ZNF107: variants seen among roughly 807,000 people sequenced by gnomAD.
The protein encoded by ZNF107 is C2H2 type zinc-finger protein.
A neutral mutation model predicts 12.3 loss-of-function variants in ZNF107; 19 were observed. The observed-to-expected ratio is 1.55, with a 90% confidence interval of 1.08 to 2.27. ZNF107 has a LOEUF of 2.27. Among genes scored for constraint, ZNF107 ranks in the 30% most tolerant of loss-of-function variants. ZNF107 has a pLI of 0.00. For synonymous variants in ZNF107, 317 were observed against 330.5 expected (o/e 0.96, Z 0.44); for missense variants, 958 against 979.9 (o/e 0.98, Z 0.30).
At chr7:64,700,472 A>G (rs1459114406) in intron 3 of ZNF107, among the ~76,000 whole-genome samples, 1 of 144,972 alleles carries the variant, frequency 6.9e-6, no homozygotes, top group African/African-American at 2.5e-5. Flanking sequence ...CACTTCTTGT[A>G]CAGGTGCAGT....
At chr7:64,667,236 T>C (rs1271550673) in intron 1 of ZNF107, among the ~76,000 whole-genome samples, 1 of 152,182 alleles carries the variant, frequency 6.6e-6, no homozygotes, top group Non-Finnish European at 1.5e-5. Flanking sequence ...CCTTTGACAT[T>C]CCCAAATCCC....
In ZNF107 at chr7:64,710,833, A is replaced by G. The variant is rs1044129463; in HGVS notation, c.*2177A>G. ...CATTAAAATGTAAGATGCATGATGAAAACCTGAGTGAAGAGGCTGTTTGTG... is the reference window on the plus strand; with the variant it reads ...CATTAAAATGTAAGATGCATGATGAGAACCTGAGTGAAGAGGCTGTTTGTG... On this transcript the variant is annotated 3_prime_UTR_variant, in exon 4 of 4. Coordinates refer to ENST00000620827, the MANE Select transcript of ZNF107 (RefSeq NM_001282359.2). 2.6e-5 allele frequency: 4 copies of G among 152,168 alleles called. No homozygotes were observed. Among genetic ancestry groups the G allele is most frequent in the Non-Finnish European group, 5.9e-5 (4 of 67,998 alleles). The allele number at this position is 152,168 out of a possible 1,614,324, so 9.4% of individuals were successfully genotyped here. A position where few individuals can be genotyped will look rare whatever the true frequency, so the allele number is the denominator to read the frequency against.
In ZNF107 at chr7:64,667,949, G is replaced by A. The variant is rs1490286480; in HGVS notation, c.3+1664G>A. Among the ~76,000 whole-genome samples, 64 of 36,066 alleles carry A rather than the reference G, an allele frequency of 1.8e-3. 2 individuals are homozygous for A. Among genetic ancestry groups the A allele is most frequent in the South Asian group, 1.3e-3 (1 of 762 alleles). 23.7% of individuals were successfully genotyped at this position (36,066 alleles called of 152,430 possible). On this transcript the variant is annotated intron_variant, in intron 1 of 3. Coordinates refer to ENST00000620827, the MANE Select transcript of ZNF107 (RefSeq NM_001282359.2). ...TGAAAGAAAAAATAGTATTCCAGAA[G>A]ACAAAAAAAAAAAAAAATCAAACTT...
Position 64,666,301 on chromosome 7 carries a change from C to G in ZNF107, c.3+16C>G. On this transcript the variant is annotated intron_variant, in intron 1 of 3. Coordinates refer to ENST00000620827, the MANE Select transcript of ZNF107 (RefSeq NM_001282359.2). ...CCTAGAAATGGTGAGAGTGCTGGGT[C>G]CGACATCCCGAGAGAGGGGGAGGGG... 11 of 1,608,986 alleles carry G rather than the reference C, an allele frequency of 6.8e-6. No homozygotes were observed. Among genetic ancestry groups the G allele is most frequent in the Non-Finnish European group, 9.3e-6 (11 of 1,177,032 alleles).
At position 64,710,643 on chromosome 7, in the gene ZNF107, A is replaced by T. The variant is rs1790854845; in HGVS notation, c.*1987A>T. The T allele has an allele frequency of 3.1e-5, 2 of 65,460 alleles. No homozygotes were observed. The highest frequency in any genetic ancestry group is 1.3e-3 in the South Asian group (2 of 1,534). 4.1% of individuals were successfully genotyped at this position (65,460 alleles called of 1,614,324 possible). A position where few individuals can be genotyped will look rare whatever the true frequency, so the allele number is the denominator to read the frequency against. On this transcript the variant is annotated 3_prime_UTR_variant, in exon 4 of 4. Coordinates refer to ENST00000620827, the MANE Select transcript of ZNF107 (RefSeq NM_001282359.2). The stretch of plus-strand genomic sequence containing the variant: ...AAATTATATTTTTTCTTGAAAAATT[A>T]GTTTTTGAAAAGCAAATGATGTAAT...
chr7:64,689,789 G>A (rs1790055006), intron 1 of ZNF107: 2 of 152,172 alleles, frequency 1.3e-5, no homozygotes, highest in African/African-American at 4.8e-5. Flanking sequence ...GTGTCAGGTT[G>A]ACAAGAGTGG....
At chr7:64,668,542 G>T (rs1789097668) in intron 1 of ZNF107, among the ~76,000 whole-genome samples, 1 of 151,352 alleles carries the variant, frequency 6.6e-6, no homozygotes, top group Non-Finnish European at 1.5e-5. Flanking sequence ...GAAAAGATTT[G>T]TTCACTTATT....
intron 1 of ZNF107, 60 bp from the exon 2 acceptor site, chr7:64,691,188 T>TA: frequency 7.5e-7 from 1 of 1,331,082 alleles, no homozygotes; most frequent in South Asian, 1.8e-5. Flanking sequence ...TACATTTTTT[T>TA]AAAAATTCAA....
At chr7:64,685,444 AG>A (rs1789869277) in intron 1 of ZNF107, among the ~76,000 whole-genome samples, 1 of 152,204 alleles carries the variant, frequency 6.6e-6, no homozygotes, top group Non-Finnish European at 1.5e-5. Flanking sequence ...TTGTAATGGC[AG>A]GCATACGCAC....
intron 1 of ZNF107, among the ~76,000 whole-genome samples, chr7:64,678,326 T>A (rs959387637): frequency 6.6e-6 from 1 of 152,226 alleles, no homozygotes; most frequent in Non-Finnish European, 1.5e-5. Context: ...AAATGGATTA[T>A]CCAACGTAAT....
intron 1 of ZNF107, among the ~76,000 whole-genome samples, chr7:64,670,945 C>T (rs1204618620): frequency 6.6e-6 from 1 of 152,158 alleles, no homozygotes; most frequent in African/African-American, 2.4e-5. Flanking sequence ...CTGGCATCTG[C>T]AGTGAGGACA....
chr7:64,704,297 G>T (rs1278172895), intron 3 of ZNF107, among the ~76,000 whole-genome samples: 3 of 152,106 alleles, frequency 2.0e-5, no homozygotes, highest in Non-Finnish European at 4.4e-5. Context: ...CCAGGCTAGA[G>T]TGCAGTGGCG....
At chr7:64,668,432 C>T (rs762811140) in intron 1 of ZNF107, among the ~76,000 whole-genome samples, 4 of 149,886 alleles carry the variant, frequency 2.7e-5, no homozygotes, top group Non-Finnish European at 4.4e-5. Flanking sequence ...TTGCTGAGAA[C>T]GATGGTTTCC....
intron 1 of ZNF107, among the ~76,000 whole-genome samples, chr7:64,675,560 G>A (rs1410194379): frequency 6.6e-6 from 1 of 151,960 alleles, no homozygotes; most frequent in Non-Finnish European, 1.5e-5. Flanking sequence ...TAGGTTTCTT[G>A]ATCTTTTGTA....
At chr7:64,697,313 A>T (rs1790325659) in intron 3 of ZNF107, among the ~76,000 whole-genome samples, 2 of 152,300 alleles carry the variant, frequency 1.3e-5, no homozygotes, top group Admixed American at 6.5e-5. Flanking sequence ...CATGATTTAT[A>T]ATCCTTTGGG....
chr7:64,690,487 A>T (rs1173705337), intron 1 of ZNF107: 1 of 981,180 alleles, frequency 1.0e-6, no homozygotes, highest in East Asian at 1.1e-4. Context: ...GGTTGCTAAC[A>T]ATTCCCGAAT....
chr7:64,693,809 A>G (rs1447542248), intron 3 of ZNF107, among the ~76,000 whole-genome samples: 1 of 151,230 alleles, frequency 6.6e-6, no homozygotes, highest in Non-Finnish European at 1.5e-5. Context: ...TTTTTTTGAG[A>G]TGGAGTTTCG....
In ZNF107 at chr7:64,707,524, C is replaced by T. The variant is rs1790706499; in HGVS notation, c.1427C>T (p.Ser476Phe). 4 of 1,613,188 alleles carry T rather than the reference C, an allele frequency of 2.5e-6. No homozygotes were observed. The East Asian group carries it at 8.9e-5, about 36-fold the overall frequency. Residue 476 changes from serine to phenylalanine, a missense_variant, in exon 4 of 4, where the codon TCT (serine) becomes TTT (phenylalanine). Transcript: ENST00000620827. ...SNLINHRKIY[S>F]GEKPYKCEEC... The stretch of plus-strand genomic sequence containing the variant: ...CTAATTAACCATAGGAAAATTTATT[C>T]TGGAGAGAAACCATACAAATGTGAA...
At chr7:64,680,322 A>G (rs1030793900) in intron 1 of ZNF107, among the ~76,000 whole-genome samples, 3 of 152,180 alleles carry the variant, frequency 2.0e-5, no homozygotes, top group Non-Finnish European at 4.4e-5. Context: ...ACTCAGTCTT[A>G]TAACCTCACC....
Sources: gnomAD v4.1 joint callset for allele counts (sites outside exome capture counted in the v4.1 genomes callset) on GRCh38, gnomAD v4.1.1 for gene constraint, MANE v1.5 for transcripts, NCBI Gene and HGNC (gene_info 2026-07-23, HGNC 2026-07-21) for gene names.